CEP192: variants seen among roughly 807,000 people sequenced by gnomAD.
CEP192 encodes the protein centrosomal protein 192.
In CEP192, 151 loss-of-function variants were observed where a neutral mutation model predicts 271.8. That is an observed-to-expected ratio of 0.56 (90% CI 0.49 to 0.64). CEP192 has a LOEUF of 0.64. Ranked by LOEUF, CEP192 falls within the 30% of genes least tolerant of loss-of-function variation. CEP192 has a pLI of 0.00. For missense variants in CEP192, 2,910 were observed against 3,020.5 expected, an observed-to-expected ratio of 0.96 and a Z score of 0.86; for synonymous variants, 995 against 1,076.5, an observed-to-expected ratio of 0.92 and a Z score of 1.48.
intron 30 of CEP192, among the ~76,000 whole-genome samples, 172 bp downstream of exon 30, chr18:13,073,357 T>C (rs1367215785): frequency 1.3e-5 from 2 of 152,230 alleles, no homozygotes; most frequent in Non-Finnish European, 2.9e-5. Context: ...TGGCAAGTTA[T>C]AATAGCAGCC....
intron 4 of CEP192, among the ~76,000 whole-genome samples, chr18:13,009,117 C>T (rs771054887): frequency 2.0e-5 from 3 of 150,918 alleles, no homozygotes; most frequent in Non-Finnish European, 4.4e-5. Context: ...CTCAGCTTCT[C>T]GAGTAGCTGG....
chr18:13,064,175 C>G (rs2037561566), intron 21 of CEP192, among the ~76,000 whole-genome samples: 1 of 151,886 alleles, frequency 6.6e-6, no homozygotes, highest in South Asian at 2.1e-4. Context: ...AGTTTTTAAT[C>G]CATTTTGATT....
intron 31 of CEP192, 59 bp downstream of exon 31, chr18:13,087,336 A>G: frequency 7.0e-7 from 1 of 1,426,038 alleles, no homozygotes; most frequent in Non-Finnish European, 9.5e-7. Flanking sequence ...GTTAATAATT[A>G]TGTATTTTAA....
intron 15 of CEP192, 23 bp downstream of exon 15, chr18:13,042,357 A>G (rs565943091): frequency 1.2e-6 from 2 of 1,612,368 alleles, no homozygotes; most frequent in Middle Eastern, 1.7e-4. Flanking sequence ...TTTCGTAAGG[A>G]AATCTAAGAT....
chr18:13,109,520 C>G (rs376578233), intron 40 of CEP192, among the ~76,000 whole-genome samples: 41 of 152,094 alleles, frequency 2.7e-4, no homozygotes, highest in Middle Eastern at 6.8e-3. Flanking sequence ...GCATGTACCC[C>G]CTGAATCTAA....
intron 18 of CEP192, among the ~76,000 whole-genome samples, chr18:13,053,721 G>A (rs764220591): frequency 1.3e-5 from 2 of 152,030 alleles, no homozygotes; most frequent in Non-Finnish European, 2.9e-5. Flanking sequence ...AGACGATCTC[G>A]CTCTGTCACC....
chr18:13,082,543 A>G (rs1190623592), intron 30 of CEP192, among the ~76,000 whole-genome samples: 1 of 148,026 alleles, frequency 6.8e-6, no homozygotes, highest in Non-Finnish European at 1.5e-5. Flanking sequence ...TCTCCTGAAT[A>G]GAGCACACTG....
In CEP192 at chr18:13,055,412, C is replaced by T. The variant is rs114782061; in HGVS notation, c.3190-368C>T. 5.9e-3 allele frequency among the ~76,000 whole-genome samples: 904 copies of T among 152,230 alleles called. 9 individuals are homozygous for T. The highest frequency in any genetic ancestry group is 0.021 in the African/African-American group (869 of 41,538). ...CAAAGTTGTTACCGTTTCAAGCTTG[C>T]TCAGCCCCCACTCCTTCGTTACTAA... is the stretch of plus-strand genomic sequence containing the variant. On this transcript the variant is annotated intron_variant, in intron 18 of 44. Transcript: ENST00000506447.
rs1568305041 is a variant in CEP192 at position 13,029,818 on chromosome 18, A to G, written c.1206A>G (p.Thr402=). The change falls in exon 10 of 45, where the codon ACA becomes ACG. Residue 402 remains threonine, a synonymous_variant. Coordinates refer to ENST00000506447, the MANE Select transcript of CEP192 (RefSeq NM_032142.4). ...CAGAGTGTCCTCACCAAAATAAGAC[A>G]GTTTTGCACATGGATGGATGTTTAG... ...QGAECPHQNK[T]VLHMDGCLDT... The G allele has an allele frequency of 5.2e-6, 8 of 1,551,690 alleles. No individual in the cohort carries two copies. The highest frequency in any genetic ancestry group is 5.2e-6 in the Non-Finnish European group (6 of 1,146,980).
intron 33 of CEP192, among the ~76,000 whole-genome samples, chr18:13,090,195 T>C (rs1007908650): frequency 1.3e-5 from 2 of 152,238 alleles, no homozygotes; most frequent in East Asian, 1.9e-4. Context: ...TAGTGTTGTT[T>C]ATAATAGCAA....
chr18:13,064,676 G>C (rs1954478252), intron 21 of CEP192, among the ~76,000 whole-genome samples: 1 of 150,646 alleles, frequency 6.6e-6, no homozygotes, highest in South Asian at 2.1e-4. Flanking sequence ...CCTCTATTCT[G>C]TTCCTTTGGT....
chr18:13,060,546 A>G (rs1329797944), intron 21 of CEP192, among the ~76,000 whole-genome samples: 2 of 152,208 alleles, frequency 1.3e-5, no homozygotes, highest in Non-Finnish European at 2.9e-5. Flanking sequence ...TTCCATCTCC[A>G]TTATAATCTT....
At position 13,056,255 on chromosome 18, in the gene CEP192, A is replaced by G. The variant is rs1568347313; in HGVS notation, c.3665A>G (p.Glu1222Gly). The G allele has an allele frequency of 6.2e-7, 1 of 1,613,818 alleles. No individual in the cohort carries two copies. Among genetic ancestry groups the G allele is most frequent in the African/African-American group, 1.3e-5 (1 of 75,068 alleles). The change falls in exon 19 of 45, where the codon GAA becomes GGA. Residue 1222 changes from glutamate to glycine, a missense_variant. By Grantham distance (98) the Glu-to-Gly change is moderately conservative (BLOSUM62 -2). Transcript: ENST00000506447. Reference sequence around the variant, plus strand: ...CAGGTTTCTCATCAGACCACCTCTGAAAACCAGTGTACTCCTATTCCCAGC... The same window carrying G: ...CAGGTTTCTCATCAGACCACCTCTGGAAACCAGTGTACTCCTATTCCCAGC... ...SGQVSHQTTS[E>G]NQCTPIPSST...
intron 4 of CEP192, among the ~76,000 whole-genome samples, chr18:13,012,658 A>G (rs1430105605): frequency 3.3e-5 from 5 of 152,090 alleles, no homozygotes; most frequent in Non-Finnish European, 5.9e-5. Context: ...TTGTCCCACT[A>G]TTTGGGTTTG....
intron 3 of CEP192, among the ~76,000 whole-genome samples, chr18:13,002,708 G>A (rs1373934475): frequency 3.3e-5 from 5 of 152,164 alleles, no homozygotes; most frequent in Middle Eastern, 3.4e-3. Context: ...TAATACATAT[G>A]TATATATGCA....
intron 4 of CEP192, among the ~76,000 whole-genome samples, chr18:13,009,013 TG>T (rs1475101116): frequency 0.021 from 1,960 of 93,424 alleles, 75 homozygotes; most frequent in African/African-American, 0.082. Context: ...CTGGCCTTTT[TG>T]TTTTTTTTTT....
rs1386154107 is a variant in CEP192 at position 13,046,751 on chromosome 18, A to T, written c.2068-2108A>T. On this transcript the variant is annotated intron_variant, in intron 15 of 44. Coordinates refer to ENST00000506447, the MANE Select transcript of CEP192 (RefSeq NM_032142.4). ...TTATTTCTATATTTAACCCAATAAG[A>T]CATGATGATGATTTATAAATAACCA... Among the ~76,000 whole-genome samples the T allele has an allele frequency of 4.6e-5, 7 of 151,730 alleles. No individual in the cohort carries two copies. In the East Asian group the frequency reaches 1.4e-3, roughly 29 times the overall value.
intron 34 of CEP192, among the ~76,000 whole-genome samples, chr18:13,093,276 T>C (rs903587191): frequency 2.0e-5 from 3 of 152,260 alleles, no homozygotes; most frequent in African/African-American, 7.2e-5. Flanking sequence ...CCACATGTTA[T>C]TGTTTGTTCC....
chr18:13,007,729 G>C (rs745806552), intron 3 of CEP192, among the ~76,000 whole-genome samples: 1 of 152,172 alleles, frequency 6.6e-6, no homozygotes, highest in Non-Finnish European at 1.5e-5. Context: ...GTAAATTGTA[G>C]TTAGGGTTGG....
Sources: gnomAD v4.1 joint callset for allele counts (sites outside exome capture counted in the v4.1 genomes callset) on GRCh38, gnomAD v4.1.1 for gene constraint, MANE v1.5 for transcripts, NCBI Gene and HGNC (gene_info 2026-07-23, HGNC 2026-07-21) for gene names.